SUSD1: variants seen among roughly 807,000 people sequenced by gnomAD.
SUSD1 encodes sushi domain-containing protein 1.
In SUSD1, 65 loss-of-function variants were observed where a neutral mutation model predicts 86.9. The observed-to-expected ratio is 0.75, with a 90% CI of 0.61 to 0.92. SUSD1 has a LOEUF of 0.92. SUSD1 is among the 40% of genes least tolerant of loss of function. SUSD1 has a pLI of 0.00. For missense variants in SUSD1, 850 were observed against 929.7 expected (o/e 0.91, Z 1.11); for synonymous variants, 346 against 350.0 (o/e 0.99, Z 0.13).
chr9:112,099,262 G>C (rs1300210549), intron 9 of SUSD1, among the ~76,000 whole-genome samples: 1 of 152,012 alleles, frequency 6.6e-6, no homozygotes, highest in East Asian at 1.9e-4. Flanking sequence ...TGCCCAGGCT[G>C]GTCTCAAACT....
At position 112,042,292 on chromosome 9, in the gene SUSD1, T is replaced by G. The variant is rs1370304628; in HGVS notation, c.2150-332A>C. 4.7e-5 allele frequency: 36 copies of G among 770,610 alleles called. No homozygotes were observed. In the East Asian group the frequency reaches 9.5e-4, roughly 20 times the overall value. The allele number at this position is 770,610 out of a possible 1,614,324, so 47.7% of individuals were successfully genotyped here. On this transcript the variant is annotated intron_variant, in intron 15 of 16. Coordinates refer to ENST00000374270, the MANE Select transcript of SUSD1 (RefSeq NM_022486.5). ...TTGGTCCTCTCACAATCAATTACAT[T>G]TGATAGATTTTTATGGGCCGTTTTC...
At chr9:112,109,307 A>G (rs910836390) in intron 8 of SUSD1, among the ~76,000 whole-genome samples, 2 of 152,250 alleles carry the variant, frequency 1.3e-5, no homozygotes, top group African/African-American at 2.4e-5. Flanking sequence ...AAAACAATGG[A>G]AAACTTCCCA....
rs140152684 is a variant in SUSD1 at position 112,115,223 on chromosome 9, C to A, written c.887-2355G>T. 8.5e-5 allele frequency among the ~76,000 whole-genome samples: 13 copies of A among 152,316 alleles called. 1 individual carries two copies. The highest frequency in any genetic ancestry group is 2.9e-4 in the African/African-American group (12 of 41,582). ...CTCCTGTACTCAGAACCAATGCTAGCTTTGGATTGACCCAGATCTACTGAC... is the reference window on the plus strand; with the variant it reads ...CTCCTGTACTCAGAACCAATGCTAGATTTGGATTGACCCAGATCTACTGAC... On this transcript the variant is annotated intron_variant, in intron 6 of 16. Transcript: ENST00000374270.
chr9:112,111,781 G>T lies in SUSD1; in HGVS notation c.1044C>A (p.Asn348Lys). 3 of 1,614,162 alleles carry T rather than the reference G, an allele frequency of 1.9e-6. No individual in the cohort carries two copies. Among genetic ancestry groups the T allele is most frequent in the Non-Finnish European group, 2.5e-6 (3 of 1,180,002 alleles). Residue 348 changes from asparagine (N) to lysine (K), a missense_variant, in exon 8 of 17, where the codon AAC becomes AAA. Transcript: ENST00000374270. ...PMESVREETV[N>K]LTTDSRTPEV... ...CTGGGGTCCTGCTGTCTGTGGTCAA[G>T]TTGACTGTCTCCTCACGAACTGATT...
intron 6 of SUSD1, among the ~76,000 whole-genome samples, chr9:112,118,076 T>C (rs774899540): frequency 5.3e-5 from 8 of 152,222 alleles, no homozygotes; most frequent in Non-Finnish European, 1.2e-4. Context: ...CAATTTTATA[T>C]CCTTTTTCTT....
chr9:112,100,069 T>C (rs1261389642), intron 9 of SUSD1, among the ~76,000 whole-genome samples: 1 of 152,262 alleles, frequency 6.6e-6, no homozygotes, highest in Admixed American at 6.5e-5. Context: ...GCATAATGTG[T>C]TCATGCGTGT....
chr9:112,097,459 C>T (rs1238099350), intron 10 of SUSD1, among the ~76,000 whole-genome samples: 7 of 130,244 alleles, frequency 5.4e-5, no homozygotes, highest in South Asian at 5.7e-4. Context: ...AGTGCAATGG[C>T]GCAATCTCGG....
At chr9:112,161,878 TC>T (rs1259528009) in intron 1 of SUSD1, among the ~76,000 whole-genome samples, 1 of 151,938 alleles carries the variant, frequency 6.6e-6, no homozygotes, top group Admixed American at 6.6e-5. Flanking sequence ...GGGTAGTGTT[TC>T]AGTTTGGGAT....
intron 6 of SUSD1, among the ~76,000 whole-genome samples, chr9:112,122,095 C>G: frequency 6.6e-6 from 1 of 152,130 alleles, no homozygotes; most frequent in East Asian, 1.9e-4. Context: ...ATGAGGAAAC[C>G]GAGGCTCAGA....
chr9:112,053,675 G>A (rs1045629306), intron 14 of SUSD1, among the ~76,000 whole-genome samples: 5 of 152,208 alleles, frequency 3.3e-5, no homozygotes, highest in African/African-American at 1.2e-4. Context: ...ACTGGAGAAT[G>A]GAAGGGACTT....
intron 6 of SUSD1, among the ~76,000 whole-genome samples, chr9:112,117,298 C>T (rs1442615701): frequency 6.6e-6 from 1 of 152,220 alleles, no homozygotes; most frequent in Non-Finnish European, 1.5e-5. Context: ...CTTTTCTCCC[C>T]TCATGGAGTG....
chr9:112,105,526 C>T (rs1039621593), intron 8 of SUSD1, among the ~76,000 whole-genome samples: 11 of 152,248 alleles, frequency 7.2e-5, no homozygotes, highest in Admixed American at 7.2e-4. Context: ...TGAGATCAGC[C>T]TGGCCAACAT....
chr9:112,156,456 A>C (rs1482906408), intron 2 of SUSD1, among the ~76,000 whole-genome samples: 1 of 150,160 alleles, frequency 6.7e-6, no homozygotes, highest in Non-Finnish European at 1.5e-5. Context: ...GTGAGACTCC[A>C]TCTCAAAAAA....
intron 13 of SUSD1, among the ~76,000 whole-genome samples, chr9:112,061,342 G>A (rs1351567402): frequency 6.6e-6 from 1 of 152,188 alleles, no homozygotes; most frequent in African/African-American, 2.4e-5. Context: ...CACCCTGCCT[G>A]CTGGTAATTA....
At position 112,078,658 on chromosome 9, in the gene SUSD1, T is replaced by C. The variant is rs1361085308; in HGVS notation, c.1633A>G (p.Ser545Gly). The change falls in exon 12 of 17, where the codon AGC becomes GGC. Residue 545 changes from serine (S) to glycine (G), a missense_variant. By Grantham distance (56) the Ser-to-Gly change is moderately conservative. Transcript: ENST00000374270. ...CACACCTCGGGATCTCGGCTGCTGCTACTGATATTAAAGGTCATTTCCTGG... is the reference window on the plus strand; with the variant it reads ...CACACCTCGGGATCTCGGCTGCTGCCACTGATATTAAAGGTCATTTCCTGG... The part of the protein sequence containing the change: ...FAQEMTFNIS[S>G]SSRDPEVCLD... 4.3e-6 allele frequency: 7 copies of C among 1,613,982 alleles called. No homozygotes were observed. Among genetic ancestry groups the C allele is most frequent in the Admixed American group, 1.7e-5 (1 of 59,994 alleles).
intron 8 of SUSD1, among the ~76,000 whole-genome samples, chr9:112,104,293 C>T (rs1178039680): frequency 6.6e-6 from 1 of 152,046 alleles, no homozygotes; most frequent in Non-Finnish European, 1.5e-5. Context: ...GCTGGGATTA[C>T]AGGCATGAAC....
At chr9:112,097,783 G>A (rs1830460445) in intron 10 of SUSD1, among the ~76,000 whole-genome samples, 1 of 152,138 alleles carries the variant, frequency 6.6e-6, no homozygotes, top group South Asian at 2.1e-4. Flanking sequence ...CTTCAGGGAG[G>A]TAGCAGCAGG....
intron 1 of SUSD1, among the ~76,000 whole-genome samples, chr9:112,165,942 G>GGAAGAAAGAAAGA (rs1833793170): frequency 5.6e-5 from 4 of 71,952 alleles, no homozygotes; most frequent in African/African-American, 2.2e-4. Flanking sequence ...AAGAAAGAAA[G>GGAAGAAAGAAAGA]AAGAAAGAAA....
At chr9:112,155,721 G>A (rs1248106846) in intron 2 of SUSD1, among the ~76,000 whole-genome samples, 1 of 151,878 alleles carries the variant, frequency 6.6e-6, no homozygotes, top group African/African-American at 2.4e-5. Flanking sequence ...CAGCACTTTA[G>A]GAAGCTGAGG....
Sources: gnomAD v4.1 joint callset for allele counts (sites outside exome capture counted in the v4.1 genomes callset) on GRCh38, gnomAD v4.1.1 for gene constraint, MANE v1.5 for transcripts, NCBI Gene and HGNC (gene_info 2026-07-23, HGNC 2026-07-21) for gene names.